Variants in DAB2IP observed in about 807,000 individuals in gnomAD.
DAB2IP encodes disabled homolog 2-interacting protein.
DAB2IP carries 28 observed loss-of-function variants against 107.2 expected under a neutral mutation model. The observed-to-expected ratio is 0.26, with a 90% CI of 0.19 to 0.36. DAB2IP has a LOEUF of 0.36. Among genes scored for constraint, DAB2IP ranks in the 10% least tolerant of loss-of-function variants. DAB2IP has a pLI of 1.00. For synonymous variants in DAB2IP, 755 were observed against 706.4 expected, an observed-to-expected ratio of 1.07 and a Z score of -1.09; for missense variants, 1,400 against 1,644.7, an observed-to-expected ratio of 0.85 and a Z score of 2.57.
intron 4 of DAB2IP, 46 bp downstream of exon 4, chr9:121,757,212 G>T (rs1280335176): frequency 6.3e-7 from 1 of 1,595,450 alleles, no homozygotes; most frequent in Admixed American, 1.7e-5. Context: ...ATCCTCTCCT[G>T]GCCTGGCTGG....
At chr9:121,596,879 C>T (rs896320860) in intron 1 of DAB2IP, among the ~76,000 whole-genome samples, 8 of 152,212 alleles carry the variant, frequency 5.3e-5, no homozygotes, top group African/African-American at 1.9e-4. Flanking sequence ...TCTCCAGACT[C>T]CAGGTCCCTA....
intron 2 of DAB2IP, among the ~76,000 whole-genome samples, chr9:121,685,663 C>A (rs1423004516): frequency 1.3e-5 from 2 of 152,250 alleles, no homozygotes; most frequent in Non-Finnish European, 2.9e-5. Context: ...TTTCTTTATT[C>A]TTTCTTTCGA....
intron 2 of DAB2IP, among the ~76,000 whole-genome samples, chr9:121,697,905 C>T (rs1829507179): frequency 6.6e-6 from 1 of 152,200 alleles, no homozygotes; most frequent in African/African-American, 2.4e-5. Flanking sequence ...AGCTGGGTGT[C>T]CTTGGGTAAG....
chr9:121,691,675 A>G (rs919310285), intron 2 of DAB2IP, among the ~76,000 whole-genome samples: 6 of 152,238 alleles, frequency 3.9e-5, no homozygotes, highest in Admixed American at 2.0e-4. Context: ...AGAAGAGGAC[A>G]CAGGCATAGA....
intron 1 of DAB2IP, among the ~76,000 whole-genome samples, chr9:121,654,181 G>A (rs1242847105): frequency 6.6e-6 from 1 of 152,080 alleles, no homozygotes; most frequent in Non-Finnish European, 1.5e-5. Flanking sequence ...TCTTCTCTCT[G>A]GACAGAATGA....
intron 3 of DAB2IP, among the ~76,000 whole-genome samples, chr9:121,719,008 G>A (rs544206246): frequency 6.6e-6 from 1 of 152,274 alleles, no homozygotes; most frequent in South Asian, 2.1e-4. Context: ...TGCTTCATGA[G>A]GGCACTGGAT....
At chr9:121,704,788 A>G (rs1829974972) in intron 3 of DAB2IP, among the ~76,000 whole-genome samples, 1 of 152,194 alleles carries the variant, frequency 6.6e-6, no homozygotes, top group Non-Finnish European at 1.5e-5. Context: ...ACAGCACTTT[A>G]AGAGGTCTTC....
At chr9:121,764,653 T>C (rs1208270206) in intron 8 of DAB2IP, among the ~76,000 whole-genome samples, 1 of 152,166 alleles carries the variant, frequency 6.6e-6, no homozygotes, top group African/African-American at 2.4e-5. Flanking sequence ...AGGTTTAACC[T>C]GTGTCCCCCT....
At chr9:121,706,262 A>G (rs1830054098) in intron 3 of DAB2IP, among the ~76,000 whole-genome samples, 1 of 152,180 alleles carries the variant, frequency 6.6e-6, no homozygotes, top group Non-Finnish European at 1.5e-5. Flanking sequence ...CACCAACCTC[A>G]GAGCAGCCGG....
chr9:121,678,237 T>C (rs949525024), intron 1 of DAB2IP, among the ~76,000 whole-genome samples: 1 of 152,254 alleles, frequency 6.6e-6, no homozygotes, highest in Non-Finnish European at 1.5e-5. Flanking sequence ...TTCATATAAA[T>C]GGGATCATAC....
chr9:121,699,250 T>A lies in DAB2IP; in HGVS notation c.229-75T>A. ...CGCGGCCGCCCAGCAAGGGTGCGGG[T>A]CCCGCGCGGGTCCCGGCCCGCCGCC... On this transcript the variant is annotated intron_variant, in intron 2 of 15. Coordinates refer to ENST00000408936, the Ensembl canonical transcript of DAB2IP. The surrounding 1 kb of genome is among the most constrained non-coding windows in gnomAD (Gnocchi z 6.2). 8.6e-7 allele frequency: 1 copy of A among 1,161,716 alleles called. No homozygotes were observed. The highest frequency in any genetic ancestry group is 1.1e-6 in the Non-Finnish European group (1 of 935,450). 72.0% of individuals were successfully genotyped at this position (1,161,716 alleles called of 1,614,324 possible). A position where few individuals can be genotyped will look rare whatever the true frequency, so the allele number is the denominator to read the frequency against.
Position 121,653,255 on chromosome 9 carries a change from G to A in DAB2IP, c.124+1356G>A, listed in dbSNP as rs563336508. Reference sequence around the variant, plus strand: ...TAGTACTCCTTGGAGGGAGTACTAAGCCTTTAGTACTCCTTGGAGGGAGTA... The same window carrying A: ...TAGTACTCCTTGGAGGGAGTACTAAACCTTTAGTACTCCTTGGAGGGAGTA... On this transcript the variant is annotated intron_variant, in intron 1 of 15. Coordinates refer to ENST00000408936, the Ensembl canonical transcript of DAB2IP. 1.2e-3 allele frequency among the ~76,000 whole-genome samples: 53 copies of A among 42,588 alleles called. 1 individual carries two copies. Among genetic ancestry groups the A allele is most frequent in the African/African-American group, 3.8e-3 (51 of 13,312 alleles). 27.9% of individuals were successfully genotyped at this position (42,588 alleles called of 152,430 possible).
intron 3 of DAB2IP, among the ~76,000 whole-genome samples, chr9:121,719,914 T>TC (rs1830827161): frequency 1.3e-5 from 2 of 152,176 alleles, no homozygotes; most frequent in South Asian, 4.1e-4. Context: ...TGTAGTCTAC[T>TC]CCCCAAGCAG....
chr9:121,574,373 C>T (rs1469178155), intron 1 of DAB2IP, among the ~76,000 whole-genome samples: 1 of 152,054 alleles, frequency 6.6e-6, no homozygotes, highest in African/African-American at 2.4e-5. Context: ...GAAGGGACGC[C>T]AGAATCTAGA....
At chr9:121,775,706 C>T (rs1835153402) in intron 13 of DAB2IP, among the ~76,000 whole-genome samples, 1 of 152,164 alleles carries the variant, frequency 6.6e-6, no homozygotes, top group Non-Finnish European at 1.5e-5. Context: ...GCCACTGCCA[C>T]CCCCTGGCTT....
At chr9:121,627,641 G>C (rs1831710663) in intron 1 of DAB2IP, among the ~76,000 whole-genome samples, 1 of 152,156 alleles carries the variant, frequency 6.6e-6, no homozygotes, top group African/African-American at 2.4e-5. Flanking sequence ...AGCGGGGCTG[G>C]GCTAGGGCTG....
chr9:121,649,148 C>T (rs1488115607), upstream of DAB2IP, among the ~76,000 whole-genome samples: 4 of 152,106 alleles, frequency 2.6e-5, no homozygotes, highest in Non-Finnish European at 5.9e-5. Context: ...TGGAGATGCT[C>T]GGCTCAGCTG....
At chr9:121,755,963 C>T (rs1168313558) in intron 3 of DAB2IP, among the ~76,000 whole-genome samples, 1 of 152,054 alleles carries the variant, frequency 6.6e-6, no homozygotes, top group African/African-American at 2.4e-5. Flanking sequence ...GGGCATAGGG[C>T]GTTGGGGGTA....
intron 14 of DAB2IP, among the ~76,000 whole-genome samples, chr9:121,779,687 T>C (rs769199961): frequency 4.5e-4 from 69 of 152,382 alleles, no homozygotes; most frequent in Admixed American, 1.9e-3. Context: ...CACTGCACTC[T>C]CACTGGTACA....
Sources: allele counts gnomAD v4.1 joint callset (sites outside exome capture counted in the v4.1 genomes callset), GRCh38; gene constraint gnomAD v4.1.1; non-coding constraint Gnocchi (gnomAD v3.1); transcripts MANE v1.5; gene names NCBI Gene and HGNC (gene_info 2026-07-23, HGNC 2026-07-21).